Variants in SNX29 observed in about 807,000 individuals in gnomAD.
SNX29 encodes the protein sorting nexin-29.
Under a neutral mutation model 102.1 loss-of-function variants are expected in SNX29, and 78 were observed. That is an observed-to-expected ratio of 0.76 (90% CI 0.64 to 0.92). The LOEUF (loss-of-function observed/expected upper bound fraction) is 0.92, where lower values mean the gene tolerates loss of function less well. Among genes scored for constraint, SNX29 ranks in the 40% least tolerant of loss-of-function variants. The pLI, the probability that SNX29 is intolerant of heterozygous loss-of-function variation, is 0.00. For synonymous variants in SNX29, 580 were observed against 414.5 expected, an observed-to-expected ratio of 1.40 and a Z score of -4.85; for missense variants, 1,280 against 1,061.7, an observed-to-expected ratio of 1.21 and a Z score of -2.86.
chr16:12,371,590 C>T (rs1202030421), intron 16 of SNX29, among the ~76,000 whole-genome samples: 1 of 152,192 alleles, frequency 6.6e-6, no homozygotes, highest in Non-Finnish European at 1.5e-5. Context: ...TAGGCGTGAG[C>T]CACTGCACCC....
At chr16:11,990,815 A>T (rs1596538841) in intron 1 of SNX29, among the ~76,000 whole-genome samples, 1 of 152,196 alleles carries the variant, frequency 6.6e-6, no homozygotes, top group African/African-American at 2.4e-5. Flanking sequence ...ACGTTTAACC[A>T]TCTAACCGCA....
chr16:12,010,467 C>T (rs993426563), intron 3 of SNX29, among the ~76,000 whole-genome samples: 1 of 151,952 alleles, frequency 6.6e-6, no homozygotes. Context: ...ACAAAAAAAC[C>T]AAAAATTAGC....
chr16:12,542,642 A>T (rs574633018), intron 20 of SNX29, among the ~76,000 whole-genome samples: 1 of 152,176 alleles, frequency 6.6e-6, no homozygotes, highest in African/African-American at 2.4e-5. Context: ...TGGGTCTAAC[A>T]CTTAAACTTG....
chr16:12,450,972 G>C (rs959920644), intron 18 of SNX29, among the ~76,000 whole-genome samples: 1 of 152,138 alleles, frequency 6.6e-6, no homozygotes, highest in Admixed American at 6.5e-5. Flanking sequence ...CCACCAAGCA[G>C]TTGAGTCAGG....
chr16:12,562,403 C>A (rs1409283335), intron 20 of SNX29, among the ~76,000 whole-genome samples: 1 of 152,166 alleles, frequency 6.6e-6, no homozygotes, highest in Non-Finnish European at 1.5e-5. Flanking sequence ...AGATCACATA[C>A]CATACAATTT....
intron 19 of SNX29, among the ~76,000 whole-genome samples, chr16:12,484,984 C>G: frequency 6.6e-6 from 1 of 152,344 alleles, no homozygotes; most frequent in East Asian, 1.9e-4. Context: ...TACCAAGATA[C>G]TCACGGTCTA....
intron 15 of SNX29, among the ~76,000 whole-genome samples, chr16:12,347,718 C>G (rs762784527): frequency 1.1e-4 from 17 of 152,076 alleles, no homozygotes; most frequent in Non-Finnish European, 1.9e-4. Context: ...AGAACTCTTT[C>G]ATCCCTTTGT....
At chr16:12,232,932 G>C (rs914251654) in intron 14 of SNX29, among the ~76,000 whole-genome samples, 4 of 152,208 alleles carry the variant, frequency 2.6e-5, no homozygotes, top group African/African-American at 9.6e-5. Flanking sequence ...TGGGGGAGGT[G>C]GTCCACCCGG....
At chr16:12,433,699 C>T (rs1305280070) in intron 18 of SNX29, among the ~76,000 whole-genome samples, 1 of 151,072 alleles carries the variant, frequency 6.6e-6, no homozygotes, top group Non-Finnish European at 1.5e-5. Flanking sequence ...TGGTGCGTGC[C>T]TGTAATCCCA....
intron 20 of SNX29, among the ~76,000 whole-genome samples, chr16:12,531,648 C>CT (rs1438560327): frequency 3.3e-5 from 5 of 152,142 alleles, no homozygotes; most frequent in Non-Finnish European, 5.9e-5. Context: ...AGGGGAGCAG[C>CT]AGAAGATGCC....
intron 1 of SNX29, 51 bp from the exon 2 acceptor site, chr16:11,999,246 C>G (rs745650521): frequency 6.4e-7 from 1 of 1,569,138 alleles, no homozygotes. Flanking sequence ...TAGTTGGGGA[C>G]AGCCGTGTCC....
chr16:11,984,696 C>G (rs1173503392), intron 1 of SNX29, among the ~76,000 whole-genome samples: 3 of 152,008 alleles, frequency 2.0e-5, no homozygotes, highest in Non-Finnish European at 4.4e-5. Flanking sequence ...CTCTGTTGCC[C>G]AGGCTGGAAT....
intron 20 of SNX29, among the ~76,000 whole-genome samples, chr16:12,548,873 G>A (rs2077780346): frequency 6.6e-6 from 1 of 152,190 alleles, no homozygotes; most frequent in South Asian, 2.1e-4. Flanking sequence ...AGGGCCCTTG[G>A]CCTGAACCCT....
chr16:12,229,459 C>G (rs915096279), intron 14 of SNX29, among the ~76,000 whole-genome samples: 1 of 152,146 alleles, frequency 6.6e-6, no homozygotes, highest in African/African-American at 2.4e-5. Flanking sequence ...TGTCAAATGG[C>G]CAGTTGGACC....
chr16:12,442,418 G>T (rs538006493), intron 18 of SNX29, among the ~76,000 whole-genome samples: 1 of 152,104 alleles, frequency 6.6e-6, no homozygotes, highest in Admixed American at 6.5e-5. Flanking sequence ...TTTATCTTTT[G>T]TGCAATCTTT....
chr16:12,130,114 A>G (rs1041323165), intron 13 of SNX29, among the ~76,000 whole-genome samples: 3 of 150,136 alleles, frequency 2.0e-5, no homozygotes, highest in East Asian at 2.0e-4. Context: ...AAAAACAAAA[A>G]CAAACAACAA....
chr16:12,078,930 A>G lies in SNX29; in HGVS notation c.1402+15A>G. 2 of 1,584,250 alleles carry G rather than the reference A, an allele frequency of 1.3e-6. No homozygotes were observed. Among genetic ancestry groups the G allele is most frequent in the Non-Finnish European group, 1.7e-6 (2 of 1,164,648 alleles). The stretch of plus-strand genomic sequence containing the variant: ...CATGACAATTAGTAAGTACTTTCGC[A>G]GCCCCCTCCACCAGCTCTGGGATGA... On this transcript the variant is annotated intron_variant, in intron 11 of 20. Transcript: ENST00000566228.
chr16:12,353,298 C>T (rs890611983), intron 15 of SNX29, among the ~76,000 whole-genome samples: 1 of 152,146 alleles, frequency 6.6e-6, no homozygotes, highest in Non-Finnish European at 1.5e-5. Context: ...CCATCTGGCC[C>T]CTGGACACCT....
At chr16:11,989,412 C>A (rs73515617) in intron 1 of SNX29, among the ~76,000 whole-genome samples, 4,728 of 152,292 alleles carry the variant, frequency 0.031, 229 homozygotes, top group African/African-American at 0.11. Context: ...TGCTGGCAGA[C>A]AGTCTGTCCT....
Sources: allele counts gnomAD v4.1 joint callset (sites outside exome capture counted in the v4.1 genomes callset), GRCh38; gene constraint gnomAD v4.1.1; transcripts MANE v1.5; gene names NCBI Gene and HGNC (gene_info 2026-07-23, HGNC 2026-07-21).